Variants in PARG observed in about 807,000 individuals in gnomAD.
PARG encodes mitochondrial poly(ADP-ribose) glycohydrolase.
Under a neutral mutation model 113.0 loss-of-function variants are expected in PARG, and 35 were observed. That is an observed-to-expected ratio of 0.31 (90% CI 0.24 to 0.41). PARG has a LOEUF of 0.41. Ranked by LOEUF, PARG falls within the 10% of genes least tolerant of loss-of-function variation. The pLI, the probability that PARG is intolerant of heterozygous loss-of-function variation, is 1.00. For missense variants in PARG, 797 were observed against 1,169.4 expected (o/e 0.68, Z 4.64); for synonymous variants, 330 against 409.9 (o/e 0.81, Z 2.36).
intron 7 of PARG, among the ~76,000 whole-genome samples, chr10:49,890,478 T>C (rs1474627013): frequency 6.6e-6 from 1 of 152,206 alleles, no homozygotes. Flanking sequence ...GTGTCAGGAA[T>C]TGTGCCAGAA....
chr10:49,917,277 T>G (rs1304832207), intron 6 of PARG, among the ~76,000 whole-genome samples: 2 of 151,898 alleles, frequency 1.3e-5, no homozygotes, highest in African/African-American at 2.4e-5. Context: ...GATCACAATG[T>G]CAGGAGATCC....
intron 6 of PARG, among the ~76,000 whole-genome samples, chr10:49,920,779 GC>G (rs1837827414): frequency 6.6e-6 from 1 of 151,884 alleles, no homozygotes; most frequent in Non-Finnish European, 1.5e-5. Context: ...GTAGCTGTGA[GC>G]CTGAGTGGTT....
intron 7 of PARG, among the ~76,000 whole-genome samples, chr10:49,907,935 C>A (rs71500301): frequency 6.6e-6 from 1 of 152,090 alleles, no homozygotes; most frequent in African/African-American, 2.4e-5. Context: ...GCTATTTGAC[C>A]CAAATGAAGG....
At chr10:49,822,354 A>G (rs1448620756) in intron 16 of PARG, among the ~76,000 whole-genome samples, 1 of 152,224 alleles carries the variant, frequency 6.6e-6, no homozygotes, top group Non-Finnish European at 1.5e-5. Flanking sequence ...GGTCTCTACC[A>G]TCATTCCCCC....
chr10:49,932,925 A>AT (rs1213596366), intron 3 of PARG, among the ~76,000 whole-genome samples: 1 of 152,196 alleles, frequency 6.6e-6, no homozygotes, highest in Non-Finnish European at 1.5e-5. Context: ...TGTTCTAGCA[A>AT]TTCCCATAAA....
intron 9 of PARG, 57 bp downstream of exon 9, chr10:49,879,616 T>C: frequency 8.3e-7 from 1 of 1,206,554 alleles, no homozygotes; most frequent in South Asian, 1.5e-5. Flanking sequence ...AAAATATTAT[T>C]AGTTCCTTCC....
rs781994653 is a variant in PARG at position 49,869,541 on chromosome 10, C to T, written c.2003G>A (p.Arg668His). The T allele has an allele frequency of 5.9e-5, 80 of 1,359,790 alleles. No homozygotes were observed. The highest frequency in any genetic ancestry group is 1.7e-4 in the East Asian group (7 of 41,758). 84.2% of individuals were successfully genotyped at this position (1,359,790 alleles called of 1,614,324 possible). ...DINFNRLFEGRSSRKPEKLKT... is the reference protein window; with the variant it reads ...DINFNRLFEGHSSRKPEKLKT... ...AAGTTTCTCCGGTTTCCTTGATGAA[C>T]GTCCCTCAAACAATCTAAGAGATAA... Residue 668 changes from arginine to histidine, a missense_variant, in exon 10 of 18, where the codon CGT becomes CAT. Physicochemically the swap from Arg to His is conservative, Grantham distance 29. Around this residue, in one of 5 missense-constraint regions of PARG, gnomAD observed 40 missense variants for 124.5 expected, o/e 0.32. Coordinates refer to ENST00000616448, the MANE Select transcript of PARG (RefSeq NM_003631.5).
At chr10:49,912,512 A>C (rs1357049315) in intron 7 of PARG, among the ~76,000 whole-genome samples, 1 of 151,368 alleles carries the variant, frequency 6.6e-6, no homozygotes, top group Non-Finnish European at 1.5e-5. Flanking sequence ...AAAATACAAA[A>C]ATTAGCTGGG....
chr10:49,931,651 C>T (rs1488714212), intron 4 of PARG, among the ~76,000 whole-genome samples: 1 of 139,108 alleles, frequency 7.2e-6, no homozygotes, highest in African/African-American at 2.7e-5. Context: ...CCCGAATGCT[C>T]GAGGAGACTG....
intron 16 of PARG, among the ~76,000 whole-genome samples, chr10:49,825,496 T>A (rs1294338565): frequency 6.6e-6 from 1 of 152,164 alleles, no homozygotes; most frequent in Non-Finnish European, 1.5e-5. Context: ...GTTGCCCCTA[T>A]ACAGACAAAA....
chr10:49,840,390 C>CA (rs1164773978), intron 15 of PARG, among the ~76,000 whole-genome samples: 2,922 of 94,150 alleles, frequency 0.031, 47 homozygotes, highest in Middle Eastern at 0.08. Flanking sequence ...GACCCTGCTT[C>CA]AAAAAAAAAA....
In PARG at chr10:49,835,806, T is replaced by G. The variant is rs372890073; in HGVS notation, c.2542-2898A>C. Among the ~76,000 whole-genome samples the G allele has an allele frequency of 1.0e-3, 154 of 152,146 alleles. 3 individuals carry two copies. The South Asian group carries it at 0.029, about 29-fold the overall frequency. Reference sequence around the variant, plus strand: ...ATCAATTTTAGAAGGCCCAAGCAGATAGACAGTTACGTGCCGCATAGTGAT... The same window carrying G: ...ATCAATTTTAGAAGGCCCAAGCAGAGAGACAGTTACGTGCCGCATAGTGAT... On this transcript the variant is annotated intron_variant, in intron 15 of 17. Coordinates refer to ENST00000616448, the MANE Select transcript of PARG (RefSeq NM_003631.5).
chr10:49,915,888 T>C (rs1346546138), intron 7 of PARG, 29 bp downstream of exon 7: 4 of 1,210,066 alleles, frequency 3.3e-6, no homozygotes, highest in Non-Finnish European at 3.6e-6. Context: ...GTCAATAATA[T>C]TTTCATAAAG....
At chr10:49,886,758 A>G (rs1194418771) in intron 7 of PARG, among the ~76,000 whole-genome samples, 1 of 152,222 alleles carries the variant, frequency 6.6e-6, no homozygotes, top group African/African-American at 2.4e-5. Flanking sequence ...CATTCATGGT[A>G]GTGGAGAAAG....
intron 7 of PARG, among the ~76,000 whole-genome samples, chr10:49,904,165 C>G (rs1554844251): frequency 6.6e-6 from 1 of 151,854 alleles, no homozygotes. Context: ...AGATGATTAA[C>G]AAGTTCTGGC....
intron 6 of PARG, among the ~76,000 whole-genome samples, chr10:49,920,355 G>A (rs1170614421): frequency 4.0e-5 from 6 of 149,886 alleles, no homozygotes; most frequent in Admixed American, 6.7e-5. Flanking sequence ...AGGCTGAGAT[G>A]AGGATCGCTT....
intron 15 of PARG, 40 bp from the exon 16 acceptor site, chr10:49,832,948 G>A (rs1554830565): frequency 1.0e-6 from 1 of 993,370 alleles, no homozygotes; most frequent in East Asian, 2.6e-5. Context: ...TGAGTGCCTA[G>A]ACACTAACAG....
At position 49,934,049 on chromosome 10, in the gene PARG, A is replaced by C; in HGVS notation, c.399T>G (p.Ser133Arg). ...VEKLENVSQL[S>R]LDKSPTEKST... ...TTTTTTCAGTGGGTGACTTATCAAG[A>C]CTTAGCTGAGAAACATTTTCTAATT... Residue 133 changes from serine (S) to arginine (R), a missense_variant, in exon 3 of 18, where the codon AGT becomes AGG. Coordinates refer to ENST00000616448, the MANE Select transcript of PARG (RefSeq NM_003631.5). 2.5e-6 allele frequency: 4 copies of C among 1,604,654 alleles called. No individual in the cohort carries two copies. In the African/African-American group the frequency reaches 5.3e-5, roughly 21 times the overall value.
intron 7 of PARG, among the ~76,000 whole-genome samples, chr10:49,904,898 A>C (rs1270691903): frequency 6.6e-6 from 1 of 150,778 alleles, no homozygotes; most frequent in Admixed American, 6.7e-5. Context: ...CCTGCGCAAC[A>C]GACCAAGAGA....
Sources: allele counts gnomAD v4.1 joint callset (sites outside exome capture counted in the v4.1 genomes callset), GRCh38; gene constraint gnomAD v4.1.1; regional missense constraint gnomAD v4.1.1; transcripts MANE v1.5; gene names NCBI Gene and HGNC (gene_info 2026-07-23, HGNC 2026-07-21).